TMPRSS9: variants seen among roughly 807,000 people sequenced by gnomAD.
The protein encoded by TMPRSS9 is transmembrane protease serine 9.
In TMPRSS9, 113 loss-of-function variants were observed where a neutral mutation model predicts 111.4. The ratio of observed to expected loss-of-function variants is 1.01; its 90% CI spans 0.87 to 1.19. The LOEUF is 1.19. Among genes scored for constraint, TMPRSS9 ranks in the 50% most tolerant of loss-of-function variants. The probability of loss-of-function intolerance (pLI) is 0.00; values close to 1 mark genes in which losing one functional copy is unlikely to be tolerated. For synonymous variants in TMPRSS9, 805 were observed against 659.1 expected, an observed-to-expected ratio of 1.22 and a Z score of -3.39; for missense variants, 1,803 against 1,513.1, an observed-to-expected ratio of 1.19 and a Z score of -3.18.
intron 1 of TMPRSS9, among the ~76,000 whole-genome samples, chr19:2,391,392 A>ATTTTTTTTTT (rs1159116597): frequency 7.1e-6 from 1 of 140,798 alleles, no homozygotes. Flanking sequence ...TTTTTTTTAA[A>ATTTTTTTTTT]AAATATTTGT....
intron 1 of TMPRSS9, among the ~76,000 whole-genome samples, chr19:2,373,518 C>G (rs1334885345): frequency 6.6e-6 from 1 of 152,090 alleles, no homozygotes; most frequent in Non-Finnish European, 1.5e-5. Flanking sequence ...GCGTGTACCA[C>G]CATGCCCAGC....
At chr19:2,411,501 G>A (rs934869536) in intron 9 of TMPRSS9, among the ~76,000 whole-genome samples, 1 of 146,670 alleles carries the variant, frequency 6.8e-6, no homozygotes, top group Non-Finnish European at 1.5e-5. Context: ...AGGTTCAAGC[G>A]AGTCTCCTGC....
rs747303388 is a variant in TMPRSS9, at chr19:2,424,986, C to A, written c.2718-16C>A. 4 of 1,501,292 alleles carry A rather than the reference C, an allele frequency of 2.7e-6. No homozygotes were observed. The highest frequency in any genetic ancestry group is 2.1e-5 in the Admixed American group (1 of 47,564). 93.0% of individuals were successfully genotyped at this position (1,501,292 alleles called of 1,614,324 possible). A position where few individuals can be genotyped will look rare whatever the true frequency, so the allele number is the denominator to read the frequency against. On this transcript the variant is annotated splice_polypyrimidine_tract_variant and intron_variant, in intron 15 of 17. Coordinates refer to ENST00000648592, the Ensembl canonical transcript of TMPRSS9. The stretch of plus-strand genomic sequence containing the variant: ...GTGGGGGCTCGGGCCGACGCCTGTC[C>A]TCGCGCGCCCCGCAGCTACGGGGAC...
At chr19:2,417,872 C>A in intron 12 of TMPRSS9, 130 bp from the exon 14 acceptor site, 1 of 1,286,576 alleles carries the variant, frequency 7.8e-7, no homozygotes, top group Non-Finnish European at 1.1e-6. Flanking sequence ...GAGATTCCTG[C>A]AACTCTGTGA....
chr19:2,383,092 G>A (rs895391700), intron 1 of TMPRSS9, among the ~76,000 whole-genome samples: 3 of 152,144 alleles, frequency 2.0e-5, no homozygotes, highest in African/African-American at 7.2e-5. Flanking sequence ...AGTGGCTCAC[G>A]CCTGTAATCT....
exon 14 of TMPRSS9, chr19:2,421,982 A>T: frequency 6.2e-7 from 1 of 1,613,130 alleles, no homozygotes; most frequent in Non-Finnish European, 8.5e-7. Context: ...TCACCAGGCT[A>T]AAGGGCTGGA....
chr19:2,369,087 G>A (rs930438432), intron 1 of TMPRSS9, among the ~76,000 whole-genome samples: 3 of 151,628 alleles, frequency 2.0e-5, no homozygotes, highest in Non-Finnish European at 4.4e-5. Flanking sequence ...GAGTAACTGG[G>A]ATTACAGGCG....
chr19:2,389,224 C>A (rs7508739), upstream of TMPRSS9, among the ~76,000 whole-genome samples: 84,119 of 148,702 alleles, frequency 0.57, 24,090 homozygotes, highest in Middle Eastern at 0.63. Context: ...CAGGCGCCCA[C>A]CACCACGCCT....
exon 16 of TMPRSS9, chr19:2,425,158 G>C (rs371496004): frequency 7.0e-6 from 11 of 1,570,344 alleles, no homozygotes; most frequent in Admixed American, 5.2e-5. Context: ...TGGCGGGGCC[G>C]GTGCGTCGCA....
exon 14 of TMPRSS9, chr19:2,421,980 C>T (rs369426569): frequency 1.9e-6 from 3 of 1,613,084 alleles, no homozygotes; most frequent in African/African-American, 1.3e-5. Flanking sequence ...CATCACCAGG[C>T]TAAAGGGCTG....
chr19:2,407,230 T>C (rs573593737), intron 7 of TMPRSS9, among the ~76,000 whole-genome samples: 1 of 152,062 alleles, frequency 6.6e-6, no homozygotes, highest in African/African-American at 2.4e-5. Context: ...TGTTGATACT[T>C]GGACAGGCTA....
At chr19:2,413,760 A>T (rs750327744) in exon 10 of TMPRSS9, 5 of 1,613,858 alleles carry the variant, frequency 3.1e-6, no homozygotes, top group Non-Finnish European at 4.2e-6. Flanking sequence ...TCTGGCTGGC[A>T]TCGTGAGCTG....
chr19:2,415,711 G>A lies in TMPRSS9; in HGVS notation c.1615G>A (p.Val539Met), dbSNP rs568171079. Residue 539 changes from valine to methionine, a missense_variant, in exon 11 of 18, where the codon GTG becomes ATG. By Grantham distance (21) the Val-to-Met change is conservative. Coordinates refer to ENST00000648592, the Ensembl canonical transcript of TMPRSS9. ...TGCAATGGAGAAGCCCACCCGGGTC[G>A]TGGGCGGGTTCGGAGCTGCCTCCGG... 2.9e-5 allele frequency: 46 copies of A among 1,608,086 alleles called. No homozygotes were observed. The highest frequency in any genetic ancestry group is 1.1e-4 in the East Asian group (5 of 44,654).
chr19:2,365,515 C>T (rs976846117), intron 1 of TMPRSS9, among the ~76,000 whole-genome samples: 1 of 151,836 alleles, frequency 6.6e-6, no homozygotes, highest in Non-Finnish European at 1.5e-5. Context: ...GTTCTATAAA[C>T]GGGCTTTGGC....
At chr19:2,403,271 C>T (rs1391838427) in intron 6 of TMPRSS9, 76 bp downstream of exon 7, 3 of 1,261,318 alleles carry the variant, frequency 2.4e-6, no homozygotes, top group African/African-American at 2.9e-5. Context: ...GGTCTGTGGT[C>T]ACTGTGCTTA....
chr19:2,422,036 C>A lies in TMPRSS9; in HGVS notation c.2337C>A (p.Pro779=), dbSNP rs553359939. The A allele has an allele frequency of 2.0e-4, 329 of 1,612,844 alleles. 6 individuals carry two copies. In the South Asian group the frequency reaches 3.4e-3, roughly 17 times the overall value. Residue 779 remains proline (P), a synonymous_variant, in exon 14 of 18, where the codon CCC becomes CCA. Transcript: ENST00000648592. ...CCCAGCCCCTTCCCATGTCTCCCCC[C>A]TCGACCACAAGGATGCTGGCCACCA...
intron 13 of TMPRSS9, among the ~76,000 whole-genome samples, chr19:2,419,404 A>T (rs887527211): frequency 1.3e-5 from 2 of 151,098 alleles, no homozygotes; most frequent in Admixed American, 1.3e-4. Context: ...GGGTTTCACT[A>T]TGTTGGCCAG....
intron 1 of TMPRSS9, among the ~76,000 whole-genome samples, chr19:2,370,285 G>C (rs1186242644): frequency 6.6e-6 from 1 of 151,960 alleles, no homozygotes; most frequent in Non-Finnish European, 1.5e-5. Context: ...GCCAGGCACA[G>C]TGGCGGGAGC....
At chr19:2,386,235 G>C (rs1398457244), upstream of TMPRSS9, among the ~76,000 whole-genome samples, 1 of 152,200 alleles carries the variant, frequency 6.6e-6, no homozygotes, top group African/African-American at 2.4e-5. Flanking sequence ...GCCGGGCACG[G>C]TGGCTCACGC....
Sources: allele counts gnomAD v4.1 joint callset (sites outside exome capture counted in the v4.1 genomes callset), GRCh38; gene constraint gnomAD v4.1.1; transcripts MANE v1.5; gene names NCBI Gene and HGNC (gene_info 2026-07-23, HGNC 2026-07-21).